GULP1: variants seen among roughly 807,000 people sequenced by gnomAD.
The protein encoded by GULP1 is GULP PTB domain containing engulfment adaptor 1, also known as PTB domain-containing engulfment adapter protein 1.
A neutral mutation model predicts 40.9 loss-of-function variants in GULP1; 19 were observed. That is an observed-to-expected ratio of 0.46 (90% CI 0.32 to 0.68). The LOEUF is 0.68. GULP1 is among the 30% of genes least tolerant of loss of function. The pLI, the probability that GULP1 is intolerant of heterozygous loss-of-function variation, is 0.03. For synonymous variants in GULP1, 119 were observed against 117.6 expected, an observed-to-expected ratio of 1.01 and a Z score of -0.08; for missense variants, 312 against 362.2, an observed-to-expected ratio of 0.86 and a Z score of 1.12.
chr2:188,406,638 G>A (rs2053149891), intron 2 of GULP1, among the ~76,000 whole-genome samples: 1 of 151,898 alleles, frequency 6.6e-6, no homozygotes, highest in Non-Finnish European at 1.5e-5. Flanking sequence ...CTGTAAACTT[G>A]AAGATAGGTT....
At chr2:188,452,514 T>C (rs1383141502) in intron 2 of GULP1, among the ~76,000 whole-genome samples, 1 of 152,226 alleles carries the variant, frequency 6.6e-6, no homozygotes, top group Non-Finnish European at 1.5e-5. Flanking sequence ...TATTTTTTCA[T>C]TTTATCTTCT....
At chr2:188,335,764 T>C (rs541045478) in intron 1 of GULP1, among the ~76,000 whole-genome samples, 20 of 152,218 alleles carry the variant, frequency 1.3e-4, no homozygotes, top group African/African-American at 4.3e-4. Flanking sequence ...TCTTTGGAGA[T>C]GGCAATTAAA....
At chr2:188,416,291 A>C (rs2152742196) in intron 2 of GULP1, among the ~76,000 whole-genome samples, 1 of 151,982 alleles carries the variant, frequency 6.6e-6, no homozygotes, top group South Asian at 2.1e-4. Flanking sequence ...TAGCCCTTTC[A>C]AAGTGATGAA....
In GULP1 at chr2:188,522,779, A is replaced by C; in HGVS notation, c.114A>C (p.Glu38Asp). 1 of 1,612,090 alleles carries C rather than the reference A, an allele frequency of 6.2e-7. No individual in the cohort carries two copies. The stretch of plus-strand genomic sequence containing the variant: ...AGTTTCTTGGCAGTACAGAAGTGGA[A>C]CAGCCAAAAGGAACAGAAGTTGTGA... ...NAKFLGSTEV[E>D]QPKGTEVVRD... Residue 38 changes from glutamate (E) to aspartate (D), a missense_variant, in exon 5 of 12, where the codon GAA (glutamate) becomes GAC (aspartate). Coordinates refer to ENST00000409830, the MANE Select transcript of GULP1 (RefSeq NM_016315.4).
intron 2 of GULP1, 32 bp from the exon 3 acceptor site, chr2:188,477,623 CTTTG>C: frequency 9.0e-7 from 1 of 1,110,728 alleles, no homozygotes; most frequent in South Asian, 1.4e-5. Context: ...GTCAACAGTC[CTTTG>C]TTTATGTTTT....
chr2:188,582,570 T>A (rs1701543013), intron 9 of GULP1: 1 of 464,374 alleles, frequency 2.2e-6, no homozygotes, highest in Admixed American at 2.4e-5. Context: ...CCTCATGTAA[T>A]TTGCTAAGCA....
chr2:188,594,005 G>T lies in GULP1; in HGVS notation c.909G>T (p.Arg303Ser), dbSNP rs954112473. The change falls in exon 12 of 12, where the codon AGG becomes AGT. Residue 303 changes from arginine to serine, a missense_variant. Physicochemically the swap from Arg to Ser is moderately radical, Grantham distance 110 (BLOSUM62 -1). Transcript: ENST00000409830. ...TTTGTCTCGACCCGTTAGACAGTAG[G>T]TGCTGACATCAAGAACAAGAAATCC... ...TVFCLDPLDS[R>S]C The T allele has an allele frequency of 6.4e-7, 1 of 1,573,970 alleles. No individual in the cohort carries two copies. The highest frequency in any genetic ancestry group is 1.1e-5 in the South Asian group (1 of 89,754).
intron 7 of GULP1, among the ~76,000 whole-genome samples, chr2:188,545,526 A>T (rs578233139): frequency 9.9e-4 from 150 of 152,066 alleles, no homozygotes; most frequent in African/African-American, 3.4e-3. Context: ...CTGGGTAACT[A>T]TGATAAGTTA....
At chr2:188,420,602 T>A (rs2055266120) in intron 2 of GULP1, among the ~76,000 whole-genome samples, 1 of 152,036 alleles carries the variant, frequency 6.6e-6, no homozygotes, top group Non-Finnish European at 1.5e-5. Flanking sequence ...AGGGTGTAAG[T>A]CAGAATAGAA....
At chr2:188,469,118 C>T (rs2060371901) in intron 2 of GULP1, among the ~76,000 whole-genome samples, 3 of 152,046 alleles carry the variant, frequency 2.0e-5, no homozygotes, top group Non-Finnish European at 4.4e-5. Flanking sequence ...TACGGGAAGG[C>T]GTAAAGCTTA....
At chr2:188,359,026 C>G (rs920565999) in intron 1 of GULP1, among the ~76,000 whole-genome samples, 2 of 151,892 alleles carry the variant, frequency 1.3e-5, no homozygotes, top group African/African-American at 4.8e-5. Context: ...TCAAAAAATG[C>G]TAACATAATT....
intron 4 of GULP1, among the ~76,000 whole-genome samples, chr2:188,485,718 T>C (rs528403259): frequency 1.3e-5 from 2 of 152,056 alleles, no homozygotes; most frequent in African/African-American, 4.8e-5. Context: ...ATGTCTGTGA[T>C]TACTCATCAG....
chr2:188,427,364 C>T (rs913310978), intron 2 of GULP1, among the ~76,000 whole-genome samples: 2 of 152,180 alleles, frequency 1.3e-5, no homozygotes, highest in Non-Finnish European at 2.9e-5. Context: ...AAAATGAAGG[C>T]AAATGCTATT....
At chr2:188,446,909 A>C (rs2058437762) in intron 2 of GULP1, among the ~76,000 whole-genome samples, 1 of 152,250 alleles carries the variant, frequency 6.6e-6, no homozygotes, top group Admixed American at 6.5e-5. Flanking sequence ...AAATATTTGA[A>C]GAGATTTATT....
intron 7 of GULP1, among the ~76,000 whole-genome samples, chr2:188,553,523 TG>T (rs1158881394): frequency 5.9e-5 from 9 of 152,064 alleles, no homozygotes; most frequent in Non-Finnish European, 1.3e-4. Context: ...CACTCAATCA[TG>T]GTGTATTATA....
At chr2:188,402,431 C>T (rs1048403477) in intron 2 of GULP1, among the ~76,000 whole-genome samples, 2 of 151,974 alleles carry the variant, frequency 1.3e-5, no homozygotes, top group African/African-American at 4.8e-5. Flanking sequence ...AATAAGCAGA[C>T]CCTCTTTCTT....
At chr2:188,474,480 G>A (rs764240252) in intron 2 of GULP1, among the ~76,000 whole-genome samples, 6 of 152,146 alleles carry the variant, frequency 3.9e-5, no homozygotes, top group Non-Finnish European at 8.8e-5. Flanking sequence ...CCAGGGGTCA[G>A]TTGAGTTTGG....
chr2:188,296,479 A>T (rs554006861), intron 1 of GULP1, among the ~76,000 whole-genome samples: 1 of 152,156 alleles, frequency 6.6e-6, no homozygotes, highest in African/African-American at 2.4e-5. Context: ...TGACTCAAAT[A>T]TTGTGTGGGA....
intron 9 of GULP1, among the ~76,000 whole-genome samples, chr2:188,580,741 A>C (rs928807698): frequency 2.0e-5 from 3 of 152,038 alleles, no homozygotes; most frequent in Admixed American, 6.5e-5. Context: ...AAATATGTGA[A>C]GGGGGGCCTC....
Sources: gnomAD v4.1 joint callset for allele counts (sites outside exome capture counted in the v4.1 genomes callset) on GRCh38, gnomAD v4.1.1 for gene constraint, MANE v1.5 for transcripts, NCBI Gene and HGNC (gene_info 2026-07-23, HGNC 2026-07-21) for gene names.